SLC37A1: variants seen among roughly 807,000 people sequenced by gnomAD.
SLC37A1 encodes the protein glucose-6-phosphate exchanger SLC37A1.
SLC37A1 carries 49 observed loss-of-function variants against 75.3 expected under a neutral mutation model. The ratio of observed to expected loss-of-function variants is 0.65; its 90% CI spans 0.52 to 0.83. The LOEUF is 0.83. SLC37A1 is among the 40% of genes least tolerant of loss of function. SLC37A1 has a pLI of 0.00. For synonymous variants in SLC37A1, 268 were observed against 292.1 expected, an observed-to-expected ratio of 0.92 and a Z score of 0.84; for missense variants, 566 against 695.0, an observed-to-expected ratio of 0.81 and a Z score of 2.09.
rs1349973952 is a variant in SLC37A1 at position 42,576,484 on chromosome 21, T to C, written c.1521+1569T>C. On this transcript the variant is annotated intron_variant, in intron 18 of 19. Coordinates refer to ENST00000352133, the MANE Select transcript of SLC37A1 (RefSeq NM_001320537.2). ...TCTGTAGCTAACACCCTACAAAAGA[T>C]GAGCTCACAATCCAAAATAATGAAA... Among the ~76,000 whole-genome samples, 10 of 152,224 alleles carry C rather than the reference T, an allele frequency of 6.6e-5. 1 individual carries two copies. The East Asian group carries it at 1.7e-3, about 26-fold the overall frequency.
intron 9 of SLC37A1, among the ~76,000 whole-genome samples, chr21:42,553,163 T>TG (rs750135255): frequency 3.3e-5 from 5 of 152,196 alleles, no homozygotes; most frequent in Non-Finnish European, 7.3e-5. Context: ...GATCTCTACT[T>TG]GCAGATCTCA....
intron 17 of SLC37A1, among the ~76,000 whole-genome samples, chr21:42,569,091 T>TG (rs1013974885): frequency 1.3e-5 from 2 of 152,164 alleles, no homozygotes; most frequent in African/African-American, 2.4e-5. Context: ...GGGGACGTTA[T>TG]GGGGGGCTGC....
In SLC37A1 at chr21:42,517,311, G is replaced by A. The variant is rs572731572; in HGVS notation, c.-178-966G>A. ...ACACAGCCCAGGGTCAGCCTTGGAA[G>A]GAGGAGGTATTGGAGTGGGGTGAAT... On this transcript the variant is annotated intron_variant, in intron 1 of 19. Transcript: ENST00000352133. Among the ~76,000 whole-genome samples, 8 of 152,312 alleles carry A rather than the reference G, an allele frequency of 5.3e-5. 1 individual carries two copies. The East Asian group carries it at 1.5e-3, about 29-fold the overall frequency.
At position 42,543,532 on chromosome 21, in the gene SLC37A1, C is replaced by G. The variant is rs1473451452; in HGVS notation, c.660C>G (p.Gly220=). Residue 220 remains glycine, a synonymous_variant, in exon 8 of 20, where the codon GGC becomes GGG. Transcript: ENST00000352133. Reference sequence around the variant, plus strand: ...GCTACTGGGTGTCCACATGCTGGGGCCTGTCCTTCGTCGTGCCTGGAGCCA... The same window carrying G: ...GCTACTGGGTGTCCACATGCTGGGGGCTGTCCTTCGTCGTGCCTGGAGCCA... ...IAGYWVSTCW[G]LSFVVPGAIV... is the part of the protein sequence containing the mutation. 1 of 1,613,894 alleles carries G rather than the reference C, an allele frequency of 6.2e-7. No individual in the cohort carries two copies. The highest frequency in any genetic ancestry group is 1.3e-5 in the African/African-American group (1 of 74,950).
chr21:42,580,421 A>G lies in SLC37A1; in HGVS notation c.*61A>G, dbSNP rs2056402826. 3.2e-6 allele frequency: 5 copies of G among 1,572,964 alleles called. No homozygotes were observed. The highest frequency in any genetic ancestry group is 3.5e-6 in the Non-Finnish European group (4 of 1,153,196). On this transcript the variant is annotated 3_prime_UTR_variant, in exon 20 of 20. Transcript: ENST00000352133. ...CACCCTTCACAACTGCCTTTCAAGGACAGTTCAGACAAAGGGCCCTGCATG... is the reference window on the plus strand; with the variant it reads ...CACCCTTCACAACTGCCTTTCAAGGGCAGTTCAGACAAAGGGCCCTGCATG...
chr21:42,506,915 C>G (rs998470747), intron 2 of SLC37A1, among the ~76,000 whole-genome samples: 7 of 152,122 alleles, frequency 4.6e-5, no homozygotes, highest in Non-Finnish European at 7.3e-5. Context: ...CAGACTCTCA[C>G]TCTGTCACCA....
chr21:42,517,507 C>T (rs996704750), intron 1 of SLC37A1, among the ~76,000 whole-genome samples: 8 of 152,186 alleles, frequency 5.3e-5, no homozygotes, highest in Non-Finnish European at 5.9e-5. Flanking sequence ...TTTGGAAGCT[C>T]ACTTTCGAGG....
intron 3 of SLC37A1, among the ~76,000 whole-genome samples, chr21:42,527,875 AC>A (rs2054841492): frequency 6.6e-6 from 1 of 152,204 alleles, no homozygotes; most frequent in South Asian, 2.1e-4. Flanking sequence ...AGAACATCAC[AC>A]CACATCAAAA....
chr21:42,577,264 A>G (rs2056328233), intron 18 of SLC37A1, among the ~76,000 whole-genome samples: 1 of 152,254 alleles, frequency 6.6e-6, no homozygotes, highest in Admixed American at 6.5e-5. Flanking sequence ...TGACCATATA[A>G]AATAGGGGCC....
At chr21:42,558,160 C>T (rs2055738408) in intron 10 of SLC37A1, among the ~76,000 whole-genome samples, 2 of 152,076 alleles carry the variant, frequency 1.3e-5, no homozygotes, top group South Asian at 4.1e-4. Context: ...TTTATGTTAT[C>T]CTTGCTCTGA....
chr21:42,539,342 A>G (rs997676360), intron 5 of SLC37A1, among the ~76,000 whole-genome samples, 170 bp from the exon 6 acceptor site: 1 of 152,232 alleles, frequency 6.6e-6, no homozygotes, highest in Non-Finnish European at 1.5e-5. Flanking sequence ...CTGGTGAGTA[A>G]GCGCTCCATA....
At chr21:42,504,811 C>T (rs2146678249) in intron 2 of SLC37A1, among the ~76,000 whole-genome samples, 1 of 152,314 alleles carries the variant, frequency 6.6e-6, no homozygotes, top group East Asian at 1.9e-4. Context: ...AAGGGCAAAA[C>T]TGAACTTCTT....
intron 19 of SLC37A1, 51 bp from the exon 20 acceptor site, chr21:42,580,294 C>T (rs773318583): frequency 1.9e-6 from 3 of 1,598,160 alleles, no homozygotes; most frequent in South Asian, 1.1e-5. Context: ...GCATCTCTTG[C>T]TGAGCCACTG....
upstream of SLC37A1, among the ~76,000 whole-genome samples, chr21:42,513,620 G>A (rs373652563): frequency 2.0e-4 from 30 of 151,670 alleles, 1 homozygote; most frequent in African/African-American, 7.2e-4. Flanking sequence ...CGGAGCCGGG[G>A]AAGGCGCGGG....
At chr21:42,567,295 C>T (rs919108630) in intron 16 of SLC37A1, among the ~76,000 whole-genome samples, 12 of 152,218 alleles carry the variant, frequency 7.9e-5, no homozygotes, top group South Asian at 2.1e-4. Context: ...GGCTCTTGGG[C>T]GCCATCCTCA....
rs747218579 is a variant in SLC37A1, at chr21:42,580,387, G to A, written c.*27G>A. ...ACCCCACCCCAGTCCCGTGGAGGGG[G>A]TCTGGGCCCACCCTTCACAACTGCC... is the stretch of plus-strand genomic sequence containing the variant. On this transcript the variant is annotated 3_prime_UTR_variant, in exon 20 of 20. Coordinates refer to ENST00000352133, the MANE Select transcript of SLC37A1 (RefSeq NM_001320537.2). The A allele has an allele frequency of 1.2e-6, 2 of 1,611,904 alleles. No homozygotes were observed. The highest frequency in any genetic ancestry group is 1.7e-6 in the Non-Finnish European group (2 of 1,179,218).
intron 10 of SLC37A1, 125 bp from the exon 11 acceptor site, chr21:42,558,833 G>A: frequency 8.6e-7 from 1 of 1,164,160 alleles, no homozygotes. Flanking sequence ...CACCCAGGAT[G>A]TCTCCAAGGC....
rs908307371 is a variant in SLC37A1 at position 42,581,391 on chromosome 21, T to C, written c.*1031T>C. 2.0e-5 allele frequency: 3 copies of C among 152,686 alleles called. No homozygotes were observed. The highest frequency in any genetic ancestry group is 4.8e-5 in the African/African-American group (2 of 41,470). The allele number at this position is 152,686 out of a possible 1,614,324, so 9.5% of individuals were successfully genotyped here. ...TCAGTTGTGTCTAGCAAAATACTTA[T>C]CTGCCCTTTGAAATAAAATGTTTTT... On this transcript the variant is annotated 3_prime_UTR_variant, in exon 20 of 20. Transcript: ENST00000352133.
In SLC37A1 at chr21:42,513,974, C is replaced by A. The variant is rs75147425; in HGVS notation, c.-922C>A. ...CCGGGAGGCGGGGACCCCCCGCCCCCCCGCCCGCACCTGCGGGGCAGCCGG... is the reference window on the plus strand; with the variant it reads ...CCGGGAGGCGGGGACCCCCCGCCCCACCGCCCGCACCTGCGGGGCAGCCGG... On this transcript the variant is annotated 5_prime_UTR_variant, in exon 1 of 20. Transcript: ENST00000352133. 119,920 of 145,814 alleles carry A rather than the reference C, an allele frequency of 0.82. 49,828 individuals carry two copies. Among genetic ancestry groups the A allele is most frequent in the African/African-American group, 0.88 (35,625 of 40,650 alleles). The allele number at this position is 145,814 out of a possible 1,614,324, so 9.0% of individuals were successfully genotyped here.
Sources: allele counts gnomAD v4.1 joint callset (sites outside exome capture counted in the v4.1 genomes callset), GRCh38; gene constraint gnomAD v4.1.1; transcripts MANE v1.5; gene names NCBI Gene and HGNC (gene_info 2026-07-23, HGNC 2026-07-21).